The following SYT9 variants were observed in gnomAD, a reference collection of about 807,000 sequenced individuals.
The protein encoded by SYT9 is synaptotagmin-9.
In SYT9, 22 loss-of-function variants were observed where a neutral mutation model predicts 48.4. The observed-to-expected ratio is 0.45, with a 90% CI of 0.32 to 0.65. The LOEUF (loss-of-function observed/expected upper bound fraction) is 0.65. Ranked by LOEUF, SYT9 falls within the 30% of genes least tolerant of loss-of-function variation. The probability of loss-of-function intolerance (pLI) is 0.03; values close to 1 mark genes in which losing one functional copy is unlikely to be tolerated. For synonymous variants in SYT9, 265 were observed against 245.0 expected, an observed-to-expected ratio of 1.08 and a Z score of -0.76; for missense variants, 577 against 622.0, an observed-to-expected ratio of 0.93 and a Z score of 0.77.
chr11:7,292,082 G>A lies in SYT9; in HGVS notation c.146-10957G>A, dbSNP rs142851438. Among the ~76,000 whole-genome samples, 25 of 152,258 alleles carry A rather than the reference G, an allele frequency of 1.6e-4. No individual in the cohort carries two copies. The East Asian group carries it at 3.9e-3, about 24-fold the overall frequency. On this transcript the variant is annotated intron_variant, in intron 1 of 6. Transcript: ENST00000318881. ...AGTGAGCAGGAGCATTTAGGGAAAA[G>A]TCACTTCTCATGGAAGGCAAAAATG...
intron 3 of SYT9, among the ~76,000 whole-genome samples, chr11:7,342,305 C>T (rs1269496372): frequency 6.6e-6 from 1 of 152,166 alleles, no homozygotes; most frequent in African/African-American, 2.4e-5. Context: ...AGGCAAGTCC[C>T]TTCCACCTAT....
In SYT9 at chr11:7,329,408, C is replaced by A. The variant is rs148659255; in HGVS notation, c.1044+15467C>A. 3.2e-3 allele frequency among the ~76,000 whole-genome samples: 482 copies of A among 152,194 alleles called. 1 individual carries two copies. Among genetic ancestry groups the A allele is most frequent in the African/African-American group, 0.011 (463 of 41,506 alleles). ...TGTTCATTTGTATAATTATTTGATC[C>A]ATTTTCATACTTTTGACATCTTTTT... On this transcript the variant is annotated intron_variant, in intron 3 of 6. Coordinates refer to ENST00000318881, the MANE Select transcript of SYT9 (RefSeq NM_175733.4).
At chr11:7,264,608 A>T (rs1413858154) in intron 1 of SYT9, among the ~76,000 whole-genome samples, 1 of 151,914 alleles carries the variant, frequency 6.6e-6, no homozygotes. Flanking sequence ...GCTTGTTGAG[A>T]ATGCAGTGAG....
At chr11:7,344,348 G>A (rs1849763604) in intron 3 of SYT9, among the ~76,000 whole-genome samples, 1 of 151,890 alleles carries the variant, frequency 6.6e-6, no homozygotes, top group Non-Finnish European at 1.5e-5. Flanking sequence ...CCCAAGCTAT[G>A]GCTTTTTATT....
At chr11:7,262,522 G>T (rs1184041679) in intron 1 of SYT9, among the ~76,000 whole-genome samples, 3 of 152,120 alleles carry the variant, frequency 2.0e-5, no homozygotes, top group African/African-American at 7.2e-5. Context: ...TAAGAGGCTA[G>T]AGAGAACTTG....
At chr11:7,384,930 C>T (rs1383150466) in intron 3 of SYT9, among the ~76,000 whole-genome samples, 1 of 152,036 alleles carries the variant, frequency 6.6e-6, no homozygotes, top group Non-Finnish European at 1.5e-5. Context: ...TGGAATTTTC[C>T]CCAATTAACT....
At chr11:7,429,855 G>A (rs1243534694) in intron 6 of SYT9, among the ~76,000 whole-genome samples, 1 of 152,220 alleles carries the variant, frequency 6.6e-6, no homozygotes, top group African/African-American at 2.4e-5. Flanking sequence ...TTGACTCTCA[G>A]TGACATACAA....
intron 3 of SYT9, among the ~76,000 whole-genome samples, chr11:7,413,585 C>T (rs1009122088): frequency 2.0e-5 from 3 of 152,134 alleles, no homozygotes; most frequent in African/African-American, 7.2e-5. Context: ...CCAGCCAAAC[C>T]CCCCGAGCAG....
rs563679125 is a variant in SYT9 at position 7,260,910 on chromosome 11, T to C, written c.145+8579T>C. 1.3e-3 allele frequency among the ~76,000 whole-genome samples: 202 copies of C among 152,316 alleles called. 1 individual carries two copies. Among genetic ancestry groups the C allele is most frequent in the South Asian group, 0.012 (59 of 4,826 alleles). On this transcript the variant is annotated intron_variant, in intron 1 of 6. Transcript: ENST00000318881. ...GACATCTTGCTTCCTTGCCTGGTTA[T>C]TTAGTAATGAAAAAGCAGTGTGTTC...
At chr11:7,345,492 AAG>A (rs1365409232) in intron 3 of SYT9, among the ~76,000 whole-genome samples, 2 of 152,238 alleles carry the variant, frequency 1.3e-5, no homozygotes, top group East Asian at 1.9e-4. Context: ...GAATTGAAGA[AAG>A]AGAGTGGTCA....
intron 3 of SYT9, among the ~76,000 whole-genome samples, chr11:7,394,718 C>T (rs962414636): frequency 1.3e-5 from 2 of 151,990 alleles, no homozygotes; most frequent in African/African-American, 4.8e-5. Flanking sequence ...TTTCCTCTGC[C>T]AGCTCTGGGA....
At chr11:7,259,109 G>T (rs183054604) in intron 1 of SYT9, among the ~76,000 whole-genome samples, 1 of 152,206 alleles carries the variant, frequency 6.6e-6, no homozygotes, top group South Asian at 2.1e-4. Context: ...AATTGAAGTA[G>T]AACTGGGCAT....
At chr11:7,363,308 A>G (rs922812213) in intron 3 of SYT9, among the ~76,000 whole-genome samples, 1 of 152,178 alleles carries the variant, frequency 6.6e-6, no homozygotes, top group Non-Finnish European at 1.5e-5. Context: ...TAAATTGAGT[A>G]CTTTTAACAC....
Position 7,251,963 on chromosome 11 carries a change from C to A in SYT9, c.-224C>A, listed in dbSNP as rs1037921687. 4.5e-6 allele frequency: 2 copies of A among 441,282 alleles called. No homozygotes were observed. The highest frequency in any genetic ancestry group is 2.1e-5 in the African/African-American group (1 of 48,506). 27.3% of individuals were successfully genotyped at this position (441,282 alleles called of 1,614,324 possible). A position where few individuals can be genotyped will look rare whatever the true frequency, so the allele number is the denominator to read the frequency against. On this transcript the variant is annotated 5_prime_UTR_variant, in exon 1 of 7. Coordinates refer to ENST00000318881, the MANE Select transcript of SYT9 (RefSeq NM_175733.4). ...TCTGGGGAGGGACGGAGGGACCGGG[C>A]GGGAGAGAGAGAAAGCCTGACCGAC... is the stretch of plus-strand genomic sequence containing the variant.
At chr11:7,267,700 A>AG (rs938472023) in intron 1 of SYT9, among the ~76,000 whole-genome samples, 1 of 151,662 alleles carries the variant, frequency 6.6e-6, no homozygotes, top group African/African-American at 2.4e-5. Context: ...AAATCAAAAG[A>AG]GAAAAAAAAA....
Position 7,404,948 on chromosome 11 carries a change from A to G in SYT9, c.1045-11094A>G, listed in dbSNP as rs1199763679. On this transcript the variant is annotated intron_variant, in intron 3 of 6. Transcript: ENST00000318881. ...CACATCAGCTTGCTATAAATTCCCA[A>G]TATATCTTTCTAACAATACCATATT... 2.6e-5 allele frequency among the ~76,000 whole-genome samples: 4 copies of G among 152,294 alleles called. No individual in the cohort carries two copies. The East Asian group carries it at 5.8e-4, about 22-fold the overall frequency.
chr11:7,447,777 C>T (rs1847962306), intron 6 of SYT9, among the ~76,000 whole-genome samples: 1 of 152,126 alleles, frequency 6.6e-6, no homozygotes, highest in African/African-American at 2.4e-5. Context: ...ACTATGAGTT[C>T]CCTGAGAACA....
chr11:7,354,612 T>C (rs1490244327), intron 3 of SYT9, among the ~76,000 whole-genome samples: 1 of 152,116 alleles, frequency 6.6e-6, no homozygotes, highest in Non-Finnish European at 1.5e-5. Flanking sequence ...CCTAAGTAGA[T>C]TGAGTAATTC....
intron 3 of SYT9, among the ~76,000 whole-genome samples, chr11:7,374,713 G>A (rs1850422660): frequency 1.3e-5 from 2 of 152,156 alleles, no homozygotes; most frequent in Admixed American, 6.6e-5. Context: ...CCACATAAAT[G>A]TCTTCTTTTG....
Sources: allele counts gnomAD v4.1 joint callset (sites outside exome capture counted in the v4.1 genomes callset), GRCh38; gene constraint gnomAD v4.1.1; transcripts MANE v1.5; gene names NCBI Gene and HGNC (gene_info 2026-07-23, HGNC 2026-07-21).